PDE12: variants seen among roughly 807,000 people sequenced by gnomAD.
PDE12 encodes phosphodiesterase 12, also known as 2',5'-phosphodiesterase 12.
In PDE12, 26 loss-of-function variants were observed where a neutral mutation model predicts 45.4. That is an observed-to-expected ratio of 0.57 (90% CI 0.42 to 0.79). The LOEUF is 0.79. Ranked by LOEUF, PDE12 falls within the 30% of genes least tolerant of loss-of-function variation. The pLI is 0.00. For synonymous variants in PDE12, 283 were observed against 323.9 expected, an observed-to-expected ratio of 0.87 and a Z score of 1.36; for missense variants, 668 against 790.0, an observed-to-expected ratio of 0.85 and a Z score of 1.85.
At chr3:57,558,512 T>TATTA (rs2069690563) in intron 1 of PDE12, among the ~76,000 whole-genome samples, 1 of 150,244 alleles carries the variant, frequency 6.7e-6, no homozygotes, top group African/African-American at 2.4e-5. Context: ...ATTATTATTT[T>TATTA]GAGACGGAGT....
chr3:57,623,849 C>G, the PDE12 span, among the ~76,000 whole-genome samples: 1 of 152,040 alleles, frequency 6.6e-6, no homozygotes, highest in African/African-American at 2.4e-5. Context: ...GTCCGGCTTT[C>G]TAACAGTTAA....
In PDE12 at chr3:57,559,326, CT is replaced by C. The variant is rs1276345597; in HGVS notation, c.1326del (p.Thr443GlnfsTer31). The C allele has an allele frequency of 6.2e-7, 1 of 1,611,386 alleles. No homozygotes were observed. The highest frequency in any genetic ancestry group is 1.3e-5 in the African/African-American group (1 of 74,854). On this transcript the variant is annotated frameshift_variant, in exon 2 of 3. Transcript: ENST00000311180. LOFTEE classifies it high-confidence loss of function. ...TTATTTTAGGTTTCAGTTCTTCAGT[CT>C]ACAAAGGACTCTTCTAAAAGGATAT... is the stretch of plus-strand genomic sequence containing the variant. ...SSVLQVSVLQSTKDSSKRICV... is the reference protein window; with the variant it reads ...SSVLQVSVLQXTKDSSKRICV...
At chr3:57,590,061 G>A in the PDE12 span, among the ~76,000 whole-genome samples, 5 of 147,174 alleles carry the variant, frequency 3.4e-5, no homozygotes, top group Non-Finnish European at 7.6e-5. Context: ...CTGCACTCCA[G>A]CCTGGGCAAC....
chr3:57,634,627 G>A, the PDE12 span: 2 of 1,486,998 alleles, frequency 1.3e-6, no homozygotes, highest in South Asian at 2.8e-5. Context: ...AAACTCCTAA[G>A]AGCAAAGAAA....
At chr3:57,634,284 T>G in the PDE12 span, among the ~76,000 whole-genome samples, 1 of 151,738 alleles carries the variant, frequency 6.6e-6, no homozygotes, top group African/African-American at 2.4e-5. Flanking sequence ...AACACAGAAA[T>G]TAGCCAGGCA....
chr3:57,581,060 C>T, the PDE12 span, among the ~76,000 whole-genome samples: 1 of 152,146 alleles, frequency 6.6e-6, no homozygotes, highest in South Asian at 2.1e-4. Context: ...CAGATAAGCC[C>T]AGCTGCTATG....
chr3:57,606,167 A>T, the PDE12 span, among the ~76,000 whole-genome samples: 4 of 152,166 alleles, frequency 2.6e-5, no homozygotes, highest in Admixed American at 2.6e-4. Context: ...ACATGGAGAA[A>T]ATTATATCAA....
chr3:57,617,977 T>C, the PDE12 span, among the ~76,000 whole-genome samples: 4 of 152,098 alleles, frequency 2.6e-5, no homozygotes, highest in African/African-American at 9.7e-5. Flanking sequence ...ATCGAGTCCT[T>C]CGCAACAAAG....
the PDE12 span, among the ~76,000 whole-genome samples, chr3:57,604,845 T>A: frequency 6.6e-6 from 1 of 151,918 alleles, no homozygotes; most frequent in African/African-American, 2.4e-5. Context: ...ACCCCTGGCT[T>A]CAAGCAATCC....
At chr3:57,623,405 G>A in the PDE12 span, among the ~76,000 whole-genome samples, 124 of 151,320 alleles carry the variant, frequency 8.2e-4, 1 homozygote, top group African/African-American at 2.4e-3. Context: ...ACGGCTGGGC[G>A]TGGTGGCTCA....
chr3:57,620,082 C>T, the PDE12 span, among the ~76,000 whole-genome samples: 1 of 151,668 alleles, frequency 6.6e-6, no homozygotes, highest in Non-Finnish European at 1.5e-5. Context: ...ATTAGCTGGG[C>T]GCAGTGGCGG....
downstream of PDE12, among the ~76,000 whole-genome samples, chr3:57,569,352 TTTA>T (rs547476547): frequency 4.5e-4 from 68 of 152,084 alleles, 1 homozygote; most frequent in East Asian, 0.01. Context: ...TTGCTAATAC[TTTA>T]TTATTATTAT....
At chr3:57,576,819 T>G in the PDE12 span, among the ~76,000 whole-genome samples, 1 of 152,144 alleles carries the variant, frequency 6.6e-6, no homozygotes, top group East Asian at 1.9e-4. Context: ...GTCTCTACTT[T>G]CAGAAGGAAT....
chr3:57,571,129 C>A (rs1238085517), downstream of PDE12, among the ~76,000 whole-genome samples: 1 of 152,100 alleles, frequency 6.6e-6, no homozygotes, highest in Non-Finnish European at 1.5e-5. Flanking sequence ...AGGCGTGAGC[C>A]ACCATGCCAG....
chr3:57,561,012 T>A lies in PDE12; in HGVS notation c.*1008T>A. 1 of 976,788 alleles carries A rather than the reference T, an allele frequency of 1.0e-6. No individual in the cohort carries two copies. The highest frequency in any genetic ancestry group is 1.2e-6 in the Non-Finnish European group (1 of 821,706). The allele number at this position is 976,788 out of a possible 1,614,324, so 60.5% of individuals were successfully genotyped here. A position where few individuals can be genotyped will look rare whatever the true frequency, so the allele number is the denominator to read the frequency against. On this transcript the variant is annotated 3_prime_UTR_variant, in exon 3 of 3. Transcript: ENST00000311180. ...TTATTTTTAGGATTTTAGTTTTTAGTGTATGGTACAAATGAACACAGTTTA... is the reference window on the plus strand; with the variant it reads ...TTATTTTTAGGATTTTAGTTTTTAGAGTATGGTACAAATGAACACAGTTTA...
At chr3:57,612,046 G>A in the PDE12 span, among the ~76,000 whole-genome samples, 1 of 151,852 alleles carries the variant, frequency 6.6e-6, no homozygotes, top group South Asian at 2.1e-4. Flanking sequence ...ATACACCATG[G>A]AATACTATGC....
chr3:57,574,541 C>A, the PDE12 span, among the ~76,000 whole-genome samples: 3,649 of 152,020 alleles, frequency 0.024, 68 homozygotes, highest in Non-Finnish European at 0.035. Context: ...TCCCAAGTAG[C>A]TGGGACTAAA....
the PDE12 span, among the ~76,000 whole-genome samples, chr3:57,614,877 C>T: frequency 1.3e-5 from 2 of 151,356 alleles, no homozygotes; most frequent in Non-Finnish European, 2.9e-5. Flanking sequence ...CTTGTAATAC[C>T]AGCTACTTGG....
chr3:57,653,796 A>C, the PDE12 span, among the ~76,000 whole-genome samples: 2 of 148,770 alleles, frequency 1.3e-5, no homozygotes, highest in Admixed American at 6.7e-5. Flanking sequence ...GCAGTATAGG[A>C]TTACTGAAAT....
Sources: gnomAD v4.1 joint callset for allele counts (sites outside exome capture counted in the v4.1 genomes callset) on GRCh38, gnomAD v4.1.1 for gene constraint, MANE v1.5 for transcripts, NCBI Gene and HGNC (gene_info 2026-07-23, HGNC 2026-07-21) for gene names.